SLC16A10: variants seen among roughly 807,000 people sequenced by gnomAD.
SLC16A10 encodes the protein solute carrier family 16 member 10.
Under a neutral mutation model 40.0 loss-of-function variants are expected in SLC16A10, and 27 were observed. That is an observed-to-expected ratio of 0.67 (90% confidence interval 0.50 to 0.93). The LOEUF is 0.93. Ranked by LOEUF, SLC16A10 falls within the 40% of genes least tolerant of loss-of-function variation. The pLI is 0.00. For synonymous variants in SLC16A10, 213 were observed against 249.8 expected (o/e 0.85, Z 1.39); for missense variants, 529 against 658.2 (o/e 0.80, Z 2.15).
At chr6:111,163,399 G>T (rs1020602539) in intron 1 of SLC16A10, among the ~76,000 whole-genome samples, 2 of 151,808 alleles carry the variant, frequency 1.3e-5, no homozygotes, top group Non-Finnish European at 2.9e-5. Context: ...TGATCCGCCC[G>T]CCTCGGCCTC....
rs566984775 is a variant in SLC16A10 at position 111,162,712 on chromosome 6, C to A, written c.344-9983C>A. 2.5e-4 allele frequency among the ~76,000 whole-genome samples: 38 copies of A among 152,236 alleles called. 1 individual carries two copies. In the South Asian group the frequency reaches 7.3e-3, roughly 29 times the overall value. ...CCAGGCAAAAAGAAATAAATGTGCT[C>A]CAAATTTTGTTCACTGGAGTATACC... On this transcript the variant is annotated intron_variant, in intron 1 of 5. Coordinates refer to ENST00000368851, the MANE Select transcript of SLC16A10 (RefSeq NM_018593.5).
chr6:111,203,719 C>CAAATAAATAAATAAATAAATAAATAAAT (rs60881476), intron 3 of SLC16A10, among the ~76,000 whole-genome samples: 1 of 138,080 alleles, frequency 7.2e-6, no homozygotes, highest in Non-Finnish European at 1.6e-5. Flanking sequence ...AACCCCATCT[C>CAAATAAATAAATAAATAAATAAATAAAT]AAATAAATAA....
rs1185844026 is a variant in SLC16A10, at chr6:111,222,111, A to G, written c.1424A>G (p.Lys475Arg). ...VLCFIPWIHS[K>R]KQREISKTTG... Reference sequence around the variant, plus strand: ...TGTTTTATCCCGTGGATCCATAGTAAGAAGCAAAGAGAGATCAGTAAAACC... The same window carrying G: ...TGTTTTATCCCGTGGATCCATAGTAGGAAGCAAAGAGAGATCAGTAAAACC... The change falls in exon 6 of 6, where the codon AAG (lysine) becomes AGG (arginine). Residue 475 changes from lysine (K) to arginine (R), a missense_variant. Physicochemically the swap from Lys to Arg is conservative, Grantham distance 26 (BLOSUM62 2). Transcript: ENST00000368851. 3.1e-6 allele frequency: 5 copies of G among 1,607,138 alleles called. No homozygotes were observed. The highest frequency in any genetic ancestry group is 2.2e-5 in the East Asian group (1 of 44,782).
intron 1 of SLC16A10, among the ~76,000 whole-genome samples, chr6:111,131,516 A>G (rs1284936997): frequency 6.6e-6 from 1 of 152,196 alleles, no homozygotes; most frequent in Non-Finnish European, 1.5e-5. Flanking sequence ...AGCGGTGAGT[A>G]ATATGGGACC....
chr6:111,188,277 CCCTCCCTT>C (rs1200181866), intron 3 of SLC16A10, among the ~76,000 whole-genome samples: 1 of 142,914 alleles, frequency 7.0e-6, no homozygotes, highest in Admixed American at 7.1e-5. Context: ...CTCCCTCTCT[CCCTCCCTT>C]CCTTCTTTCT....
At chr6:111,183,250 G>A (rs755371920) in intron 3 of SLC16A10, among the ~76,000 whole-genome samples, 7 of 152,168 alleles carry the variant, frequency 4.6e-5, no homozygotes, top group South Asian at 2.1e-4. Flanking sequence ...AACTTCCTGC[G>A]TCCCTTTTCC....
intron 1 of SLC16A10, chr6:111,091,476 C>A (rs1259081408): frequency 6.6e-6 from 1 of 152,108 alleles, no homozygotes; most frequent in Non-Finnish European, 1.5e-5. Context: ...AAGAAGGGTC[C>A]CTGTTTCTTG....
intron 1 of SLC16A10, among the ~76,000 whole-genome samples, chr6:111,096,625 C>CT (rs1217095076): frequency 6.6e-6 from 1 of 152,070 alleles, no homozygotes; most frequent in Non-Finnish European, 1.5e-5. Flanking sequence ...AATTCCTCAC[C>CT]TTGCATATAG....
In SLC16A10 at chr6:111,229,029, CAAAAAAAAA is replaced by C. The variant is rs4038339; in HGVS notation, c.*6806_*6814del. 2 of 111,920 alleles carry C rather than the reference CAAAAAAAAA, an allele frequency of 1.8e-5. No individual in the cohort carries two copies. The highest frequency in any genetic ancestry group is 7.0e-5 in the African/African-American group (2 of 28,594). 6.9% of individuals were successfully genotyped at this position (111,920 alleles called of 1,614,324 possible). A position where few individuals can be genotyped will look rare whatever the true frequency, so the allele number is the denominator to read the frequency against. On this transcript the variant is annotated 3_prime_UTR_variant, in exon 6 of 6. Transcript: ENST00000368851. ...GGGCAACAAGAGCAAAACTCTGTCT[CAAAAAAAAA>C]AAAAAAAAAAATAGTGCTGCATTTT...
At chr6:111,147,204 T>A (rs1772095654) in intron 1 of SLC16A10, among the ~76,000 whole-genome samples, 1 of 152,190 alleles carries the variant, frequency 6.6e-6, no homozygotes, top group South Asian at 2.1e-4. Flanking sequence ...TTATGGTATG[T>A]GAATGATACC....
At position 111,205,684 on chromosome 6, in the gene SLC16A10, A is replaced by G. The variant is rs534428784; in HGVS notation, c.943-908A>G. On this transcript the variant is annotated intron_variant, in intron 3 of 5. Transcript: ENST00000368851. ...GAAGTTATCCAAAGCCACAAGGCTGATAAGAACAGAACCAGGACTTGAACG... is the reference window on the plus strand; with the variant it reads ...GAAGTTATCCAAAGCCACAAGGCTGGTAAGAACAGAACCAGGACTTGAACG... Among the ~76,000 whole-genome samples, 4 of 152,370 alleles carry G rather than the reference A, an allele frequency of 2.6e-5. 1 individual carries two copies. In the East Asian group the frequency reaches 7.7e-4, roughly 29 times the overall value.
intron 1 of SLC16A10, among the ~76,000 whole-genome samples, chr6:111,097,832 T>C (rs1283222351): frequency 6.6e-6 from 1 of 152,176 alleles, no homozygotes; most frequent in East Asian, 1.9e-4. Context: ...TAAATTCAAT[T>C]AAAGGTATCC....
intron 1 of SLC16A10, among the ~76,000 whole-genome samples, chr6:111,092,274 C>T (rs1366913835): frequency 2.0e-5 from 3 of 148,276 alleles, no homozygotes; most frequent in Non-Finnish European, 4.5e-5. Context: ...ACTGCTCTGT[C>T]TGAGGGAGCA....
At chr6:111,221,756 A>C (rs1159889177) in intron 5 of SLC16A10, among the ~76,000 whole-genome samples, 1 of 152,046 alleles carries the variant, frequency 6.6e-6, no homozygotes, top group Non-Finnish European at 1.5e-5. Context: ...AAAAAAAAAA[A>C]AACGTCTACC....
At chr6:111,146,178 A>G (rs972605644) in intron 1 of SLC16A10, among the ~76,000 whole-genome samples, 3 of 152,276 alleles carry the variant, frequency 2.0e-5, no homozygotes, top group African/African-American at 2.4e-5. Context: ...CAAAGAAGAC[A>G]TATAAATCAC....
In SLC16A10 at chr6:111,177,149, A is replaced by G. The variant is rs1772700040; in HGVS notation, c.489-63A>G. The G allele has an allele frequency of 2.6e-6, 3 of 1,151,724 alleles. No homozygotes were observed. In the South Asian group the frequency reaches 9.5e-5, roughly 37 times the overall value. The allele number at this position is 1,151,724 out of a possible 1,614,324, so 71.3% of individuals were successfully genotyped here. A position where few individuals can be genotyped will look rare whatever the true frequency, so the allele number is the denominator to read the frequency against. The stretch of plus-strand genomic sequence containing the variant: ...AAACCCACTTATACTATAAGATTTT[A>G]TTCTACCAAGCACACAGTAACAATA... On this transcript the variant is annotated intron_variant, in intron 2 of 5. Transcript: ENST00000368851.
chr6:111,213,425 CCT>C (rs1773375584), intron 4 of SLC16A10, among the ~76,000 whole-genome samples: 1 of 152,174 alleles, frequency 6.6e-6, no homozygotes, highest in African/African-American at 2.4e-5. Flanking sequence ...TAATGACTTT[CCT>C]ATCCATCAGT....
chr6:111,194,726 T>C (rs908538824), intron 3 of SLC16A10, among the ~76,000 whole-genome samples: 1 of 152,236 alleles, frequency 6.6e-6, no homozygotes, highest in Non-Finnish European at 1.5e-5. Flanking sequence ...TGTTTTCTTT[T>C]ATATGCTCCT....
chr6:111,114,429 G>A (rs933033559), intron 1 of SLC16A10, among the ~76,000 whole-genome samples: 9 of 152,224 alleles, frequency 5.9e-5, no homozygotes, highest in African/African-American at 2.2e-4. Flanking sequence ...ATTATTTTCT[G>A]TACACTGAGA....
Sources: allele counts gnomAD v4.1 joint callset (sites outside exome capture counted in the v4.1 genomes callset), GRCh38; gene constraint gnomAD v4.1.1; transcripts MANE v1.5; gene names NCBI Gene and HGNC (gene_info 2026-07-23, HGNC 2026-07-21).